NR3C2: variants seen among roughly 807,000 people sequenced by gnomAD.
The protein encoded by NR3C2 is mineralocorticoid receptor.
Under a neutral mutation model 86.4 loss-of-function variants are expected in NR3C2, and 15 were observed. That is an observed-to-expected ratio of 0.17 (90% CI 0.12 to 0.27). The LOEUF (loss-of-function observed/expected upper bound fraction) is 0.27, where lower values mean the gene tolerates loss of function less well. Among genes scored for constraint, NR3C2 ranks in the 10% least tolerant of loss-of-function variants. NR3C2 has a pLI of 1.00. For synonymous variants in NR3C2, 458 were observed against 450.5 expected, an observed-to-expected ratio of 1.02 and a Z score of -0.21; for missense variants, 960 against 1,195.6, an observed-to-expected ratio of 0.80 and a Z score of 2.91.
chr4:148,135,934 G>A (rs980247122), intron 6 of NR3C2, among the ~76,000 whole-genome samples: 26 of 128,902 alleles, frequency 2.0e-4, no homozygotes, highest in African/African-American at 6.4e-4. Flanking sequence ...GCGGGCGCCT[G>A]TAGTCCCAGC....
chr4:148,416,256 T>A (rs16998733), intron 2 of NR3C2, among the ~76,000 whole-genome samples: 1 of 152,060 alleles, frequency 6.6e-6, no homozygotes, highest in African/African-American at 2.4e-5. Flanking sequence ...AACTTCCTGA[T>A]GACACACTCC....
chr4:148,417,817 G>C (rs1356703676), intron 2 of NR3C2, among the ~76,000 whole-genome samples: 1 of 152,092 alleles, frequency 6.6e-6, no homozygotes, highest in African/African-American at 2.4e-5. Context: ...TTTCATTTCT[G>C]TTGTCCAAAG....
chr4:148,254,235 C>A (rs1739716593), intron 3 of NR3C2, among the ~76,000 whole-genome samples: 1 of 152,196 alleles, frequency 6.6e-6, no homozygotes, highest in Admixed American at 6.5e-5. Flanking sequence ...TGCATGAAAA[C>A]ATTCAGAGGT....
At chr4:148,247,325 A>G (rs185896775) in intron 3 of NR3C2, among the ~76,000 whole-genome samples, 1 of 152,266 alleles carries the variant, frequency 6.6e-6, no homozygotes, top group Non-Finnish European at 1.5e-5. Context: ...TCTCATCCCA[A>G]TGGGTCACTA....
intron 2 of NR3C2, among the ~76,000 whole-genome samples, chr4:148,324,183 C>T (rs868189651): frequency 9.8e-5 from 15 of 152,286 alleles, no homozygotes; most frequent in South Asian, 8.3e-4. Flanking sequence ...AGCCATACTA[C>T]GTCTTTAGAT....
At chr4:148,437,769 A>C (rs1425754235) in intron 1 of NR3C2, among the ~76,000 whole-genome samples, 1 of 152,186 alleles carries the variant, frequency 6.6e-6, no homozygotes, top group Non-Finnish European at 1.5e-5. Flanking sequence ...AATATTTACC[A>C]AGTGCCTGCT....
intron 2 of NR3C2, among the ~76,000 whole-genome samples, chr4:148,375,186 T>C (rs1746611973): frequency 6.6e-6 from 1 of 152,190 alleles, no homozygotes; most frequent in South Asian, 2.1e-4. Flanking sequence ...CTGGATGCAG[T>C]GGCTCACGCC....
intron 5 of NR3C2, among the ~76,000 whole-genome samples, chr4:148,153,506 T>A (rs1734202184): frequency 6.6e-6 from 1 of 152,130 alleles, no homozygotes; most frequent in Admixed American, 6.5e-5. Context: ...CTCCCCCATC[T>A]CCAGGGGCAT....
chr4:148,336,728 A>G (rs765877844), intron 2 of NR3C2, among the ~76,000 whole-genome samples: 4 of 152,220 alleles, frequency 2.6e-5, no homozygotes, highest in Non-Finnish European at 5.9e-5. Context: ...TTGTGGATTA[A>G]GAATCATATG....
intron 2 of NR3C2, among the ~76,000 whole-genome samples, chr4:148,390,466 C>A (rs1340744323): frequency 6.6e-6 from 1 of 151,918 alleles, no homozygotes; most frequent in Non-Finnish European, 1.5e-5. Context: ...TGGTGGCAGG[C>A]AGGAAAGGTA....
chr4:148,163,280 GGTAGA>G (rs1734743173), intron 4 of NR3C2, among the ~76,000 whole-genome samples: 1 of 152,176 alleles, frequency 6.6e-6, no homozygotes, highest in Non-Finnish European at 1.5e-5. Flanking sequence ...TCTGCCCTAA[GGTAGA>G]AGAAAGTGAT....
intron 5 of NR3C2, among the ~76,000 whole-genome samples, chr4:148,154,106 T>C (rs955338959): frequency 6.6e-6 from 1 of 151,906 alleles, no homozygotes; most frequent in Non-Finnish European, 1.5e-5. Context: ...CCGCCCAGGT[T>C]CAAGCGATTC....
chr4:148,168,894 T>C lies in NR3C2; in HGVS notation c.2015-13993A>G, dbSNP rs532241444. Among the ~76,000 whole-genome samples the C allele has an allele frequency of 9.8e-5, 15 of 152,292 alleles. No individual in the cohort carries two copies. In the East Asian group the frequency reaches 2.7e-3, roughly 27 times the overall value. On this transcript the variant is annotated intron_variant, in intron 4 of 8. Transcript: ENST00000358102. ...GCCTATGTTTGTAATGTGCCTATGT[T>C]TAGTAATCACGTACCAAAAATATGC...
intron 2 of NR3C2, among the ~76,000 whole-genome samples, chr4:148,367,636 A>G (rs1315634565): frequency 6.6e-6 from 1 of 152,088 alleles, no homozygotes; most frequent in Non-Finnish European, 1.5e-5. Context: ...CACAATCCCA[A>G]CCTAATATCC....
intron 2 of NR3C2, among the ~76,000 whole-genome samples, chr4:148,284,191 G>A (rs1186225499): frequency 6.6e-6 from 1 of 152,268 alleles, no homozygotes; most frequent in African/African-American, 2.4e-5. Flanking sequence ...CTTTAGAGTA[G>A]AGCCTTATGT....
chr4:148,282,291 A>G (rs1218740231), intron 2 of NR3C2, among the ~76,000 whole-genome samples: 1 of 152,182 alleles, frequency 6.6e-6, no homozygotes, highest in Non-Finnish European at 1.5e-5. Context: ...TGGCCTCCCA[A>G]AGTGCTGGGA....
At chr4:148,440,492 T>C (rs61686518) in intron 1 of NR3C2, among the ~76,000 whole-genome samples, 11,559 of 152,298 alleles carry the variant, frequency 0.076, 1,437 homozygotes, top group African/African-American at 0.26. Context: ...ATGAAGCAGA[T>C]AGAGGTATAC....
chr4:148,232,200 A>G (rs561112913), intron 3 of NR3C2, among the ~76,000 whole-genome samples: 29 of 152,314 alleles, frequency 1.9e-4, no homozygotes, highest in African/African-American at 6.5e-4. Flanking sequence ...TTTTCAATTT[A>G]CTTTGCCAGA....
chr4:148,187,115 T>C lies in NR3C2; in HGVS notation c.2014+7631A>G, dbSNP rs191770183. ...CACAGTTTCTTTATCCACTTGTTGATTGATGGGCATTTGGGTTGGTTCCAC... is the reference window on the plus strand; with the variant it reads ...CACAGTTTCTTTATCCACTTGTTGACTGATGGGCATTTGGGTTGGTTCCAC... On this transcript the variant is annotated intron_variant, in intron 4 of 8. Transcript: ENST00000358102. 3.5e-4 allele frequency among the ~76,000 whole-genome samples: 52 copies of C among 150,070 alleles called. 1 individual carries two copies. In the East Asian group the frequency reaches 8.4e-3, roughly 24 times the overall value.
Sources: gnomAD v4.1 joint callset for allele counts (sites outside exome capture counted in the v4.1 genomes callset) on GRCh38, gnomAD v4.1.1 for gene constraint, MANE v1.5 for transcripts, NCBI Gene and HGNC (gene_info 2026-07-23, HGNC 2026-07-21) for gene names.